DHRS7C: variants seen among roughly 807,000 people sequenced by gnomAD.
DHRS7C encodes dehydrogenase/reductase SDR family member 7C.
DHRS7C carries 28 observed loss-of-function variants against 29.6 expected under a neutral mutation model. The ratio of observed to expected loss-of-function variants is 0.95; its 90% CI spans 0.70 to 1.30. The LOEUF (loss-of-function observed/expected upper bound fraction) is 1.30, where lower values mean the gene tolerates loss of function less well. DHRS7C is among the 50% of genes most tolerant of loss of function. The pLI, the probability that DHRS7C is intolerant of heterozygous loss-of-function variation, is 0.00. For synonymous variants in DHRS7C, 158 were observed against 160.2 expected (o/e 0.99, Z 0.10); for missense variants, 403 against 393.3 (o/e 1.02, Z -0.21).
At chr17:9,788,891 G>T (rs1271958042) in intron 1 of DHRS7C, among the ~76,000 whole-genome samples, 1 of 151,982 alleles carries the variant, frequency 6.6e-6, no homozygotes, top group Non-Finnish European at 1.5e-5. Context: ...TTTCTTCTTT[G>T]CATTTCTTTC....
At chr17:9,780,142 G>T in intron 2 of DHRS7C, 107 bp from the exon 3 acceptor site, 7 of 832,956 alleles carry the variant, frequency 8.4e-6, no homozygotes, top group African/African-American at 1.8e-5. Context: ...CAAAGATAAT[G>T]AAATGACTGA....
intron 1 of DHRS7C, among the ~76,000 whole-genome samples, chr17:9,789,303 G>C (rs2066441759): frequency 6.6e-6 from 1 of 152,182 alleles, no homozygotes; most frequent in Non-Finnish European, 1.5e-5. Flanking sequence ...AAATCATACA[G>C]AGCGTATTCT....
chr17:9,780,119 C>T, intron 2 of DHRS7C, 84 bp from the exon 3 acceptor site: 2 of 1,189,932 alleles, frequency 1.7e-6, no homozygotes, highest in Admixed American at 5.8e-5. Flanking sequence ...TAAAAGCCAC[C>T]CATTTTGAAA....
intron 1 of DHRS7C, among the ~76,000 whole-genome samples, chr17:9,789,847 T>C (rs1455011654): frequency 6.6e-6 from 1 of 152,176 alleles, no homozygotes; most frequent in Non-Finnish European, 1.5e-5. Context: ...GATTGACAGA[T>C]GTGTGTGCCC....
chr17:9,781,155 T>A (rs2066390772), intron 2 of DHRS7C, among the ~76,000 whole-genome samples: 1 of 151,990 alleles, frequency 6.6e-6, no homozygotes, highest in Non-Finnish European at 1.5e-5. Flanking sequence ...TCAGTTCAGG[T>A]ATTTAAAAAA....
chr17:9,791,073 C>A lies in DHRS7C; in HGVS notation c.154+58G>T, dbSNP rs913016204. Reference sequence around the variant, plus strand: ...AGCGCCCTGCCGCCCTGCCACCCTGCCATCCTGCCAGTCCCTGGGGGCAGA... The same window carrying A: ...AGCGCCCTGCCGCCCTGCCACCCTGACATCCTGCCAGTCCCTGGGGGCAGA... On this transcript the variant is annotated intron_variant, in intron 1 of 5. Transcript: ENST00000571134. 2.6e-6 allele frequency: 4 copies of A among 1,548,608 alleles called. No homozygotes were observed. The African/African-American group carries it at 4.1e-5, about 16-fold the overall frequency.
rs143366707 is a variant in DHRS7C at position 9,779,876 on chromosome 17, C to A, written c.427G>T (p.Asp143Tyr). ...TAATTGGCATCCATGATCTTTTTGT[C>A]GAGCTCCAGAGAAATCTTATGGGCA... is the stretch of plus-strand genomic sequence containing the variant. ...GPAHKISLELDKKIMDANYFG... is the reference protein window; with the variant it reads ...GPAHKISLELYKKIMDANYFG... Residue 143 changes from aspartate (D) to tyrosine (Y), a missense_variant, in exon 3 of 6, where the codon GAC becomes TAC. Coordinates refer to ENST00000571134, the MANE Select transcript of DHRS7C (RefSeq NM_001105571.3). 396 of 1,613,660 alleles carry A rather than the reference C, an allele frequency of 2.5e-4. 1 individual carries two copies. The East Asian group carries it at 8.2e-3, about 33-fold the overall frequency.
chr17:9,784,510 A>G (rs532184855), intron 1 of DHRS7C, among the ~76,000 whole-genome samples: 76 of 152,288 alleles, frequency 5.0e-4, no homozygotes, highest in African/African-American at 1.8e-3. Context: ...ATCTTACAGC[A>G]AAACAAAAAC....
In DHRS7C at chr17:9,779,825, CTT is replaced by C. The variant is rs762245057; in HGVS notation, c.476_477del (p.Lys159SerfsTer19). ...CATGGGAAAGTCAAACTCACGAGAC[CTT>C]TCGTCAATGTGATGGGGCCAAAGTA... is the stretch of plus-strand genomic sequence containing the variant. ...ANYFGPITLTKALLPNMISRR... is the reference protein window; with the variant it reads ...ANYFGPITLTXALLPNMISRR... On this transcript the variant is annotated frameshift_variant and splice_region_variant, in exon 3 of 6. Transcript: ENST00000571134. LOFTEE classifies it high-confidence loss of function. The C allele has an allele frequency of 5.4e-5, 87 of 1,611,158 alleles. No individual in the cohort carries two copies. The East Asian group carries it at 1.9e-3, about 36-fold the overall frequency.
intron 5 of DHRS7C, among the ~76,000 whole-genome samples, chr17:9,772,366 G>A (rs747859969): frequency 2.6e-5 from 4 of 152,210 alleles, no homozygotes; most frequent in African/African-American, 4.8e-5. Context: ...ACATGGCAGA[G>A]GCCGGCTTCC....
At chr17:9,779,674 G>A (rs2066382282) in intron 3 of DHRS7C, 151 bp downstream of exon 3, 1 of 721,762 alleles carries the variant, frequency 1.4e-6, no homozygotes, top group Non-Finnish European at 2.2e-6. Context: ...CTTACAATGG[G>A]AATGGTGAAA....
At chr17:9,791,051 G>A (rs1384144351) in intron 1 of DHRS7C, 80 bp downstream of exon 1, 12 of 1,501,224 alleles carry the variant, frequency 8.0e-6, no homozygotes, top group East Asian at 4.9e-5. Context: ...CCCACACAGC[G>A]CCCTGCCGCC....
Position 9,791,154 on chromosome 17 carries a change from T to C in DHRS7C, c.131A>G (p.Asp44Gly). Residue 44 changes from aspartate to glycine, a missense_variant, in exon 1 of 6, where the codon GAT becomes GGT. Asp to Gly is a moderately conservative substitution (Grantham distance 94). Transcript: ENST00000571134. ...AVQNKVVVIT[D>G]AISGLGKECA... is the part of the protein sequence containing the mutation. ...ACCCTTGCCCAGTCCTGAGATGGCATCGGTGATCACCACCACTTTGTTCTG... is the reference window on the plus strand; with the variant it reads ...ACCCTTGCCCAGTCCTGAGATGGCACCGGTGATCACCACCACTTTGTTCTG... The C allele has an allele frequency of 6.2e-7, 1 of 1,613,420 alleles. No homozygotes were observed.
intron 2 of DHRS7C, among the ~76,000 whole-genome samples, chr17:9,781,113 A>G (rs749267931): frequency 6.6e-6 from 1 of 152,076 alleles, no homozygotes; most frequent in African/African-American, 2.4e-5. Flanking sequence ...TTGGGAAGGG[A>G]TCTCATTTAT....
At position 9,791,258 on chromosome 17, in the gene DHRS7C, G is replaced by T. The variant is rs762078139; in HGVS notation, c.27C>A (p.Leu9=). MGVMAMLM[L]PLLLLGISGL... ...CGCTGATTCCCAGCAGCAGCAGGGGGAGCATCAGCATGGCCATGACTCCCA... is the reference window on the plus strand; with the variant it reads ...CGCTGATTCCCAGCAGCAGCAGGGGTAGCATCAGCATGGCCATGACTCCCA... Residue 9 remains leucine (L), a synonymous_variant, in exon 1 of 6, where the codon CTC becomes CTA. Transcript: ENST00000571134. 3 of 1,613,782 alleles carry T rather than the reference G, an allele frequency of 1.9e-6. No homozygotes were observed. The highest frequency in any genetic ancestry group is 2.5e-6 in the Non-Finnish European group (3 of 1,179,820).
At chr17:9,781,060 C>T (rs1295090179) in intron 2 of DHRS7C, among the ~76,000 whole-genome samples, 4 of 152,198 alleles carry the variant, frequency 2.6e-5, no homozygotes. Context: ...CCTTTGGAAA[C>T]TGCAGCCTTT....
Position 9,791,366 on chromosome 17 carries a change from C to T in DHRS7C, c.-82G>A, listed in dbSNP as rs1238723680. ...CAGGACTCCCAGGGCAGGGGGAGGC[C>T]CAAGGCTGCAGGGAGCTCAGCTCTG... On this transcript the variant is annotated 5_prime_UTR_variant, in exon 1 of 6. Coordinates refer to ENST00000571134, the MANE Select transcript of DHRS7C (RefSeq NM_001105571.3). 1 of 1,515,810 alleles carries T rather than the reference C, an allele frequency of 6.6e-7. No individual in the cohort carries two copies. The highest frequency in any genetic ancestry group is 8.9e-7 in the Non-Finnish European group (1 of 1,120,390). 93.9% of individuals were successfully genotyped at this position (1,515,810 alleles called of 1,614,324 possible). A position where few individuals can be genotyped will look rare whatever the true frequency, so the allele number is the denominator to read the frequency against.
rs11654889 is a variant in DHRS7C, at chr17:9,771,605, A to G, written c.819T>C (p.Phe273=). 135,525 of 1,599,540 alleles carry G rather than the reference A, an allele frequency of 0.085. 6,362 individuals are homozygous for G. Among genetic ancestry groups the G allele is most frequent in the Non-Finnish European group, 0.096 (111,955 of 1,172,184 alleles). Residue 273 remains phenylalanine, a synonymous_variant, in exon 6 of 6, where the codon TTT becomes TTC. Coordinates refer to ENST00000571134, the MANE Select transcript of DHRS7C (RefSeq NM_001105571.3). The part of the protein sequence containing the change: ...RTVRRKKQEV[F]MANPIPKAAV... ...CGGCCTTGGGGATGGGGTTGGCCAT[A>G]AACACCTCTTGCTTCTTCCTCCGCA...
chr17:9,778,934 G>T (rs901511999), intron 3 of DHRS7C, among the ~76,000 whole-genome samples: 1 of 151,686 alleles, frequency 6.6e-6, no homozygotes, highest in Non-Finnish European at 1.5e-5. Flanking sequence ...CTTTTTTTTA[G>T]ACAGTCTCAC....
Sources: gnomAD v4.1 joint callset for allele counts (sites outside exome capture counted in the v4.1 genomes callset) on GRCh38, gnomAD v4.1.1 for gene constraint, MANE v1.5 for transcripts, NCBI Gene and HGNC (gene_info 2026-07-23, HGNC 2026-07-21) for gene names.